TM9SF4: variants seen among roughly 807,000 people sequenced by gnomAD.
TM9SF4 encodes transmembrane 9 superfamily member 4.
TM9SF4 carries 26 observed loss-of-function variants against 90.4 expected under a neutral mutation model. The observed-to-expected ratio is 0.29, with a 90% CI of 0.21 to 0.40. TM9SF4 has a LOEUF of 0.40. Among genes scored for constraint, TM9SF4 ranks in the 10% least tolerant of loss-of-function variants. TM9SF4 has a pLI of 1.00. For synonymous variants in TM9SF4, 293 were observed against 315.4 expected, an observed-to-expected ratio of 0.93 and a Z score of 0.75; for missense variants, 549 against 834.8, an observed-to-expected ratio of 0.66 and a Z score of 4.22.
intron 10 of TM9SF4, 142 bp downstream of exon 10, chr20:32,149,908 G>C (rs1199894284): frequency 9.9e-6 from 12 of 1,209,258 alleles, no homozygotes; most frequent in Non-Finnish European, 1.4e-5. Context: ...CTCTGGGCCA[G>C]ACAGGCCGTC....
At chr20:32,145,264 G>A in intron 7 of TM9SF4, 48 bp from the exon 8 acceptor site, 29 of 1,613,528 alleles carry the variant, frequency 1.8e-5, no homozygotes, top group Non-Finnish European at 2.4e-5. Flanking sequence ...TCTGTGTCAG[G>A]TTCTCCAGCA....
chr20:32,127,663 C>G (rs2046443362), intron 1 of TM9SF4, among the ~76,000 whole-genome samples: 1 of 152,154 alleles, frequency 6.6e-6, no homozygotes, highest in Non-Finnish European at 1.5e-5. Context: ...TGTATACTTG[C>G]TCCATTGGTT....
At chr20:32,125,068 A>G (rs924194224) in intron 1 of TM9SF4, among the ~76,000 whole-genome samples, 3 of 152,170 alleles carry the variant, frequency 2.0e-5, no homozygotes, top group African/African-American at 7.2e-5. Context: ...TCATCAGGGC[A>G]GAGACCTCCT....
chr20:32,141,292 A>G (rs2046674247), intron 3 of TM9SF4, among the ~76,000 whole-genome samples: 1 of 150,884 alleles, frequency 6.6e-6, no homozygotes, highest in South Asian at 2.1e-4. Context: ...GTAGCACTAG[A>G]GCCCAAAGGA....
chr20:32,115,138 C>T (rs1337350701), intron 1 of TM9SF4, among the ~76,000 whole-genome samples: 1 of 152,128 alleles, frequency 6.6e-6, no homozygotes, highest in Admixed American at 6.5e-5. Flanking sequence ...CTACTGTGTC[C>T]TTGGAGCTGA....
intron 1 of TM9SF4, among the ~76,000 whole-genome samples, chr20:32,129,529 T>C (rs960516173): frequency 1.4e-4 from 21 of 152,070 alleles, no homozygotes; most frequent in Non-Finnish European, 1.9e-4. Context: ...TCAATGACCA[T>C]TTAAATGGAC....
intron 1 of TM9SF4, among the ~76,000 whole-genome samples, chr20:32,124,590 C>CTT (rs34090214): frequency 1.4e-5 from 2 of 145,314 alleles, no homozygotes. Context: ...CTTTTAAAAA[C>CTT]TTTTTTTTTT....
Position 32,146,833 on chromosome 20 carries a change from A to G in TM9SF4, c.932A>G (p.Asn311Ser), listed in dbSNP as rs1373196726. 1.2e-6 allele frequency: 2 copies of G among 1,614,060 alleles called. No homozygotes were observed. The highest frequency in any genetic ancestry group is 4.5e-5 in the East Asian group (2 of 44,886). The stretch of plus-strand genomic sequence containing the variant: ...CGGACCCTCCGGAAGGACATTGCCA[A>G]CTACAACAAGGAGGATGACATTGTA... ...IIRTLRKDIA[N>S]YNKEDDIEDT... The change falls in exon 9 of 18, where the codon AAC becomes AGC. Residue 311 changes from asparagine (N) to serine (S), a missense_variant. Transcript: ENST00000398022.
chr20:32,146,663 C>T, intron 8 of TM9SF4, 122 bp from the exon 9 acceptor site: 3 of 901,740 alleles, frequency 3.3e-6, no homozygotes, highest in Non-Finnish European at 5.1e-6. Context: ...ATAGCCAGTT[C>T]ATAATGGAGC....
At chr20:32,149,601 A>G (rs2046812476) in intron 9 of TM9SF4, 33 bp from the exon 10 acceptor site, 1 of 1,614,016 alleles carries the variant, frequency 6.2e-7, no homozygotes. Context: ...CTCCATCTTC[A>G]ACAACCAGCC....
chr20:32,163,522 C>T (rs943797250), intron 17 of TM9SF4, among the ~76,000 whole-genome samples: 1 of 151,326 alleles, frequency 6.6e-6, no homozygotes, highest in Non-Finnish European at 1.5e-5. Context: ...CTGCTCTGCT[C>T]GGGTGACATG....
intron 1 of TM9SF4, chr20:32,116,512 T>G (rs75459984): frequency 6.6e-5 from 10 of 152,498 alleles, no homozygotes; most frequent in African/African-American, 1.9e-4. Context: ...ACTTCCGCAG[T>G]GCAGCCTGCT....
At position 32,165,474 on chromosome 20, in the gene TM9SF4, G is replaced by A. The variant is rs201783577; in HGVS notation, c.*30G>A. ...AGTGGACCACGGCCAAGCTTGCTCC[G>A]TCCTCGGACAGGAAGCCACCCTGCG... is the stretch of plus-strand genomic sequence containing the variant. On this transcript the variant is annotated 3_prime_UTR_variant, in exon 18 of 18. Coordinates refer to ENST00000398022, the MANE Select transcript of TM9SF4 (RefSeq NM_014742.4). 637 of 1,608,740 alleles carry A rather than the reference G, an allele frequency of 4.0e-4. 1 individual carries two copies. The highest frequency in any genetic ancestry group is 6.6e-4 in the Middle Eastern group (4 of 6,032).
intron 12 of TM9SF4, among the ~76,000 whole-genome samples, chr20:32,154,850 A>G (rs2046895257): frequency 6.6e-6 from 1 of 152,220 alleles, no homozygotes; most frequent in Non-Finnish European, 1.5e-5. Context: ...ATAGGCGGAT[A>G]TTGATCAGGT....
chr20:32,125,752 A>C (rs535299234), intron 1 of TM9SF4, among the ~76,000 whole-genome samples: 1 of 136,506 alleles, frequency 7.3e-6, no homozygotes, highest in African/African-American at 2.8e-5. Context: ...TGGTGTGATC[A>C]TGGCTCACTG....
chr20:32,162,266 G>A (rs952568487), intron 17 of TM9SF4, among the ~76,000 whole-genome samples: 1 of 152,172 alleles, frequency 6.6e-6, no homozygotes, highest in Non-Finnish European at 1.5e-5. Context: ...TCAGTTGATC[G>A]AAGCTGGGAA....
intron 1 of TM9SF4, among the ~76,000 whole-genome samples, chr20:32,110,790 AC>A (rs2046131455): frequency 6.6e-6 from 1 of 152,174 alleles, no homozygotes; most frequent in Non-Finnish European, 1.5e-5. Context: ...CTGGTGCAGA[AC>A]CTTGGAAGTA....
chr20:32,140,598 G>A (rs570265693), intron 3 of TM9SF4, among the ~76,000 whole-genome samples: 1 of 152,182 alleles, frequency 6.6e-6, no homozygotes, highest in Admixed American at 6.5e-5. Context: ...TACTTTATTG[G>A]ATTGACTTCC....
chr20:32,154,800 G>A (rs2046894460), intron 12 of TM9SF4, among the ~76,000 whole-genome samples: 1 of 152,232 alleles, frequency 6.6e-6, no homozygotes, highest in South Asian at 2.1e-4. Flanking sequence ...AGAGAACAAG[G>A]TAGACACACT....
Sources: gnomAD v4.1 joint callset for allele counts (sites outside exome capture counted in the v4.1 genomes callset) on GRCh38, gnomAD v4.1.1 for gene constraint, MANE v1.5 for transcripts, NCBI Gene and HGNC (gene_info 2026-07-23, HGNC 2026-07-21) for gene names.